The following SGCD variants were observed in gnomAD, a reference collection of about 807,000 sequenced individuals.
The protein encoded by SGCD is delta-sarcoglycan.
In SGCD, 18 loss-of-function variants were observed where a neutral mutation model predicts 36.6. The ratio of observed to expected loss-of-function variants is 0.49; its 90% confidence interval spans 0.34 to 0.73. The LOEUF (loss-of-function observed/expected upper bound fraction) is 0.73. Ranked by LOEUF, SGCD falls within the 30% of genes least tolerant of loss-of-function variation. The pLI, the probability that SGCD is intolerant of heterozygous loss-of-function variation, is 0.01. For missense variants in SGCD, 387 were observed against 346.7 expected (o/e 1.12, Z -0.92); for synonymous variants, 133 against 130.6 (o/e 1.02, Z -0.12).
chr5:156,521,966 C>G (rs918832085), intron 4 of SGCD, among the ~76,000 whole-genome samples: 1 of 152,104 alleles, frequency 6.6e-6, no homozygotes, highest in African/African-American at 2.4e-5. Flanking sequence ...CAGTGGTAGA[C>G]TGGATAAAGA....
At position 156,449,208 on chromosome 5, in the gene SGCD, T is replaced by C. The variant is rs181070436; in HGVS notation, c.193-59393T>C. Among the ~76,000 whole-genome samples, 170 of 152,178 alleles carry C rather than the reference T, an allele frequency of 1.1e-3. 1 individual carries two copies. The highest frequency in any genetic ancestry group is 1.9e-3 in the Non-Finnish European group (131 of 68,014). On this transcript the variant is annotated intron_variant, in intron 3 of 8. Coordinates refer to ENST00000337851, the MANE Select transcript of SGCD (RefSeq NM_000337.6). ...ATCAGTTCTATACGATTGAGCAGGT[T>C]TTACCATGAACAAGCATCTGCGATC...
chr5:156,130,582 G>T (rs1351435672), intron 3 of SGCD, among the ~76,000 whole-genome samples: 5 of 152,094 alleles, frequency 3.3e-5, no homozygotes, highest in Admixed American at 6.5e-5. Context: ...GTCCAGAATG[G>T]TATTGCCTAA....
intron 3 of SGCD, among the ~76,000 whole-genome samples, chr5:156,247,559 T>A (rs1457212237): frequency 1.3e-5 from 2 of 152,028 alleles, no homozygotes; most frequent in Admixed American, 1.3e-4. Context: ...AAATAAGAGA[T>A]CTGAAAGGAT....
chr5:156,328,784 C>T (rs1248035747), intron 1 of SGCD, among the ~76,000 whole-genome samples: 1 of 151,962 alleles, frequency 6.6e-6, no homozygotes, highest in Non-Finnish European at 1.5e-5. Context: ...GGTTTGGGGA[C>T]TGCAGGGCTT....
chr5:156,336,933 A>G (rs900293204), intron 2 of SGCD, among the ~76,000 whole-genome samples: 3 of 152,242 alleles, frequency 2.0e-5, no homozygotes, highest in Non-Finnish European at 2.9e-5. Flanking sequence ...AGAAACTGCC[A>G]TTCCTGGGCT....
chr5:156,266,075 G>A (rs911820021), intron 3 of SGCD, among the ~76,000 whole-genome samples: 1 of 152,210 alleles, frequency 6.6e-6, no homozygotes, highest in Non-Finnish European at 1.5e-5. Context: ...CTGAATGTTA[G>A]TGTTTGATAT....
intron 3 of SGCD, among the ~76,000 whole-genome samples, chr5:156,446,426 G>T (rs1449780452): frequency 6.6e-6 from 1 of 152,076 alleles, no homozygotes; most frequent in Non-Finnish European, 1.5e-5. Flanking sequence ...GATGGCTGAA[G>T]AGAACTGGAC....
At chr5:155,804,102 T>C in the SGCD span, among the ~76,000 whole-genome samples, 1 of 152,098 alleles carries the variant, frequency 6.6e-6, no homozygotes, top group Non-Finnish European at 1.5e-5. Flanking sequence ...AGGATTGGAG[T>C]TGGACGTGAC....
chr5:156,097,348 T>G (rs1421556011), intron 1 of SGCD, among the ~76,000 whole-genome samples: 1 of 152,176 alleles, frequency 6.6e-6, no homozygotes, highest in Non-Finnish European at 1.5e-5. Flanking sequence ...ATTGAATCTT[T>G]TATTAGCACC....
At position 156,261,276 on chromosome 5, in the gene SGCD, G is replaced by A. The variant is rs892564947; in HGVS notation, c.-43-68258G>A. 2.6e-5 allele frequency among the ~76,000 whole-genome samples: 4 copies of A among 152,202 alleles called. No individual in the cohort carries two copies. In the South Asian group the frequency reaches 8.3e-4, roughly 32 times the overall value. On this transcript the variant is annotated intron_variant, in intron 3 of 9. Transcript: ENST00000517913. ...GATTGTATTTGCCTTTTGGGCATAG[G>A]ATACCCTATTTTTAAGAACGTACTT...
chr5:156,629,258 G>A (rs752669822), intron 6 of SGCD, among the ~76,000 whole-genome samples: 28 of 152,274 alleles, frequency 1.8e-4, no homozygotes, highest in Non-Finnish European at 3.4e-4. Context: ...CTTACTGCCC[G>A]ATGACATGTC....
intron 1 of SGCD, among the ~76,000 whole-genome samples, chr5:156,081,809 G>T (rs147518306): frequency 9.2e-5 from 14 of 152,198 alleles, no homozygotes; most frequent in Non-Finnish European, 1.9e-4. Context: ...AGAATAATAA[G>T]GAGAAAAATC....
At chr5:156,321,180 G>A (rs1335024107) in intron 3 of SGCD, among the ~76,000 whole-genome samples, 1 of 152,208 alleles carries the variant, frequency 6.6e-6, no homozygotes, top group Non-Finnish European at 1.5e-5. Context: ...AGCACTTTGG[G>A]AGACCAAGGT....
chr5:156,568,973 G>T (rs535125019), intron 4 of SGCD, among the ~76,000 whole-genome samples: 1 of 152,282 alleles, frequency 6.6e-6, no homozygotes, highest in Admixed American at 6.5e-5. Flanking sequence ...TGGCCATACA[G>T]TAGTCACCAT....
intron 4 of SGCD, among the ~76,000 whole-genome samples, chr5:156,533,524 G>A (rs1757973573): frequency 6.6e-6 from 1 of 152,128 alleles, no homozygotes; most frequent in Admixed American, 6.6e-5. Context: ...GTTTCTCAGA[G>A]TTCAGCAAAA....
intron 3 of SGCD, among the ~76,000 whole-genome samples, chr5:156,349,022 T>C (rs1319275304): frequency 2.0e-5 from 3 of 152,172 alleles, no homozygotes; most frequent in African/African-American, 7.2e-5. Context: ...TAATAAGTGA[T>C]GCTGGGAAAA....
intron 3 of SGCD, among the ~76,000 whole-genome samples, chr5:156,360,824 T>G (rs1185329311): frequency 2.0e-5 from 3 of 152,078 alleles, no homozygotes; most frequent in Non-Finnish European, 2.9e-5. Flanking sequence ...AATACAAATC[T>G]TAGCCTTCAC....
intron 5 of SGCD, among the ~76,000 whole-genome samples, chr5:156,590,134 C>G (rs1289843229): frequency 2.0e-5 from 3 of 152,102 alleles, no homozygotes; most frequent in Non-Finnish European, 4.4e-5. Flanking sequence ...GGCTTCAGGG[C>G]TAAAAGTAAA....
At chr5:155,893,047 C>T (rs573536018) in intron 1 of SGCD, among the ~76,000 whole-genome samples, 1 of 152,120 alleles carries the variant, frequency 6.6e-6, no homozygotes, top group Non-Finnish European at 1.5e-5. Context: ...TTCCCATATT[C>T]CATTGCACAG....
Sources: allele counts gnomAD v4.1 joint callset (sites outside exome capture counted in the v4.1 genomes callset), GRCh38; gene constraint gnomAD v4.1.1; transcripts MANE v1.5; gene names NCBI Gene and HGNC (gene_info 2026-07-23, HGNC 2026-07-21).